The following DAB2IP variants were observed in gnomAD, a reference collection of about 807,000 sequenced individuals.
DAB2IP encodes the protein disabled homolog 2-interacting protein.
In DAB2IP, 28 loss-of-function variants were observed where a neutral mutation model predicts 107.2. The ratio of observed to expected loss-of-function variants is 0.26; its 90% CI spans 0.19 to 0.36. The LOEUF is 0.36. Among genes scored for constraint, DAB2IP ranks in the 10% least tolerant of loss-of-function variants. DAB2IP has a pLI of 1.00. For missense variants in DAB2IP, 1,400 were observed against 1,644.7 expected, an observed-to-expected ratio of 0.85 and a Z score of 2.57; for synonymous variants, 755 against 706.4, an observed-to-expected ratio of 1.07 and a Z score of -1.09.
intron 3 of DAB2IP, among the ~76,000 whole-genome samples, chr9:121,756,663 C>T (rs939856770): frequency 6.6e-6 from 1 of 152,256 alleles, no homozygotes; most frequent in African/African-American, 2.4e-5. Context: ...CTGCAGACAG[C>T]TGCCTGGGTC....
At chr9:121,715,492 A>G (rs1211209603) in intron 3 of DAB2IP, among the ~76,000 whole-genome samples, 3 of 151,636 alleles carry the variant, frequency 2.0e-5, no homozygotes, top group South Asian at 2.1e-4. Context: ...AGCTGGGACT[A>G]CAGGCACCTA....
chr9:121,775,340 C>T (rs538085695), intron 13 of DAB2IP, among the ~76,000 whole-genome samples: 48 of 152,210 alleles, frequency 3.2e-4, no homozygotes, highest in African/African-American at 7.7e-4. Context: ...ATCCTGCCAC[C>T]GCCACCATCC....
At chr9:121,660,479 C>T (rs1571805) in intron 1 of DAB2IP, among the ~76,000 whole-genome samples, 24,613 of 152,102 alleles carry the variant, frequency 0.16, 2,606 homozygotes, top group Non-Finnish European at 0.23. Flanking sequence ...GAGGCCAGTC[C>T]GCTTCCTGGG....
chr9:121,675,952 A>G (rs982181888), intron 1 of DAB2IP, among the ~76,000 whole-genome samples: 4 of 152,218 alleles, frequency 2.6e-5, no homozygotes, highest in African/African-American at 7.2e-5. Flanking sequence ...GACTGTGACT[A>G]GAGAGATTGT....
chr9:121,699,571 G>T lies in DAB2IP; in HGVS notation c.362+113G>T. ...GGGGCGAGCCACACGGCGGTGGGGG[G>T]ACCCCACGCCGCCCGCCGGGAACTT... is the stretch of plus-strand genomic sequence containing the variant. On this transcript the variant is annotated intron_variant, in intron 3 of 15. Coordinates refer to ENST00000408936, the Ensembl canonical transcript of DAB2IP. The surrounding 1 kb of genome is among the most constrained non-coding windows in gnomAD (Gnocchi z 6.2). 1.0e-6 allele frequency: 1 copy of T among 987,154 alleles called. No homozygotes were observed. The highest frequency in any genetic ancestry group is 1.3e-6 in the Non-Finnish European group (1 of 795,100). 61.1% of individuals were successfully genotyped at this position (987,154 alleles called of 1,614,324 possible).
chr9:121,587,732 G>A (rs1227270349), intron 1 of DAB2IP, among the ~76,000 whole-genome samples: 1 of 152,168 alleles, frequency 6.6e-6, no homozygotes, highest in Non-Finnish European at 1.5e-5. Flanking sequence ...GTTGAGTAAA[G>A]GAGGAGTAAG....
At chr9:121,781,903 G>A (rs1434713832) in intron 15 of DAB2IP, among the ~76,000 whole-genome samples, 1 of 152,168 alleles carries the variant, frequency 6.6e-6, no homozygotes, top group African/African-American at 2.4e-5. Flanking sequence ...ATGGCATCCG[G>A]GCTGCATTGA....
intron 1 of DAB2IP, among the ~76,000 whole-genome samples, chr9:121,643,581 G>A (rs536547449): frequency 6.6e-6 from 1 of 152,002 alleles, no homozygotes; most frequent in African/African-American, 2.4e-5. Flanking sequence ...TCCACCTCTG[G>A]GGCTTTTCTC....
intron 3 of DAB2IP, among the ~76,000 whole-genome samples, chr9:121,756,515 TG>T (rs1396994517): frequency 1.3e-5 from 2 of 152,226 alleles, no homozygotes; most frequent in Non-Finnish European, 2.9e-5. Context: ...TTCCCTCGTG[TG>T]GGTCTGCTGG....
intron 1 of DAB2IP, among the ~76,000 whole-genome samples, chr9:121,629,337 G>T (rs1290380669): frequency 6.6e-6 from 1 of 152,092 alleles, no homozygotes; most frequent in Non-Finnish European, 1.5e-5. Flanking sequence ...GGGTGGTGGG[G>T]GTGACAGCCA....
rs191133990 is a variant in DAB2IP at position 121,569,365 on chromosome 9, C to T, written c.40+2137C>T. Among the ~76,000 whole-genome samples the T allele has an allele frequency of 2.4e-4, 36 of 152,316 alleles. No homozygotes were observed. The East Asian group carries it at 6.4e-3, about 27-fold the overall frequency. ...GGTGCACTGATGGGGGAAGTCAAGG[C>T]GTGTGGAAGCCCTAACCCTATACTT... On this transcript the variant is annotated intron_variant, in intron 1 of 16. Transcript: ENST00000259371.
At chr9:121,732,993 G>A (rs1330722327) in intron 3 of DAB2IP, among the ~76,000 whole-genome samples, 1 of 152,208 alleles carries the variant, frequency 6.6e-6, no homozygotes, top group Non-Finnish European at 1.5e-5. Context: ...CTGGTGCACT[G>A]AAACTACTTC....
intron 1 of DAB2IP, among the ~76,000 whole-genome samples, chr9:121,614,888 C>T (rs552647589): frequency 4.5e-4 from 69 of 152,048 alleles, no homozygotes; most frequent in Non-Finnish European, 8.4e-4. Flanking sequence ...GGTGCACCAC[C>T]GCGTTCGGCT....
chr9:121,687,542 G>A (rs1828941242), intron 2 of DAB2IP, among the ~76,000 whole-genome samples: 1 of 152,172 alleles, frequency 6.6e-6, no homozygotes, highest in Non-Finnish European at 1.5e-5. Context: ...GGAGAGGCAG[G>A]GTGGTGGTCA....
chr9:121,753,736 G>T (rs767266074), intron 3 of DAB2IP, among the ~76,000 whole-genome samples: 3 of 152,212 alleles, frequency 2.0e-5, no homozygotes, highest in Non-Finnish European at 4.4e-5. Flanking sequence ...ACCTTGTGCT[G>T]ACTAGAGGTG....
At chr9:121,606,571 A>T (rs764474863) in intron 1 of DAB2IP, among the ~76,000 whole-genome samples, 1 of 152,132 alleles carries the variant, frequency 6.6e-6, no homozygotes, top group Non-Finnish European at 1.5e-5. Flanking sequence ...CTCCAGGTCC[A>T]GTGCTCACGG....
intron 1 of DAB2IP, among the ~76,000 whole-genome samples, chr9:121,584,967 C>T (rs766310027): frequency 3.3e-5 from 5 of 152,126 alleles, no homozygotes; most frequent in African/African-American, 7.2e-5. Context: ...TTCACAGGCA[C>T]GATCCTAGCC....
Position 121,736,012 on chromosome 9 carries a change from C to T in DAB2IP, c.363-21001C>T, listed in dbSNP as rs1428043436. Among the ~76,000 whole-genome samples, 1 of 152,196 alleles carries T rather than the reference C, an allele frequency of 6.6e-6. No homozygotes were observed. Among genetic ancestry groups the T allele is most frequent in the African/African-American group, 2.4e-5 (1 of 41,450 alleles). On this transcript the variant is annotated intron_variant, in intron 3 of 15. Coordinates refer to ENST00000408936, the Ensembl canonical transcript of DAB2IP. The surrounding 1 kb of genome is among the most constrained non-coding windows in gnomAD (Gnocchi z 4.6). ...TTCCCTTCTGTCCTGCCGGACTAGCCGGGTGCTTTCCAGAAGAGAAAACCC... is the reference window on the plus strand; with the variant it reads ...TTCCCTTCTGTCCTGCCGGACTAGCTGGGTGCTTTCCAGAAGAGAAAACCC...
intron 1 of DAB2IP, among the ~76,000 whole-genome samples, chr9:121,639,520 C>T (rs375156692): frequency 2.0e-5 from 3 of 152,164 alleles, no homozygotes; most frequent in Non-Finnish European, 2.9e-5. Context: ...ATGCCAGTCA[C>T]GGCTGCTGCC....
Sources: allele counts gnomAD v4.1 joint callset (sites outside exome capture counted in the v4.1 genomes callset), GRCh38; gene constraint gnomAD v4.1.1; non-coding constraint Gnocchi (gnomAD v3.1); transcripts MANE v1.5; gene names NCBI Gene and HGNC (gene_info 2026-07-23, HGNC 2026-07-21).